The following PRSS53 variants were observed in gnomAD, a reference collection of about 807,000 sequenced individuals.
The protein encoded by PRSS53 is serine protease 53, also known as EDTP308.
Under a neutral mutation model 62.7 loss-of-function variants are expected in PRSS53, and 54 were observed. That is an observed-to-expected ratio of 0.86 (90% CI 0.69 to 1.08). PRSS53 has a LOEUF of 1.08. PRSS53 is among the 50% of genes least tolerant of loss of function. PRSS53 has a pLI of 0.00. For missense variants in PRSS53, 688 were observed against 728.3 expected (o/e 0.94, Z 0.64); for synonymous variants, 273 against 300.0 (o/e 0.91, Z 0.93).
exon 11 of PRSS53, chr16:31,083,472 G>A (rs1461974887): frequency 1.5e-6 from 2 of 1,317,446 alleles, no homozygotes; most frequent in East Asian, 6.6e-5. Flanking sequence ...TTTAAAAAAA[G>A]GAAAACTGCT....
At chr16:31,084,726 C>T in intron 8 of PRSS53, 23 bp from the exon 9 acceptor site, 1 of 1,601,750 alleles carries the variant, frequency 6.2e-7, no homozygotes, top group Non-Finnish European at 8.5e-7. Context: ...GGAAAGCTGG[C>T]TGCCCCGGCC....
At chr16:31,088,114 C>A in intron 1 of PRSS53, 1 of 1,368,384 alleles carries the variant, frequency 7.3e-7, no homozygotes, top group Non-Finnish European at 9.5e-7. Flanking sequence ...TCAGAACCCC[C>A]AACTCCTGCC....
At chr16:31,083,449 CAATT>C (rs1226649853) in exon 11 of PRSS53, 6 of 1,302,668 alleles carry the variant, frequency 4.6e-6, no homozygotes, top group African/African-American at 1.5e-5. Flanking sequence ...TATTTTGTAA[CAATT>C]TATTTAAGTT....
chr16:31,084,561 A>C, exon 9 of PRSS53: 3 of 1,603,664 alleles, frequency 1.9e-6, no homozygotes. Context: ...GGCTCACCTC[A>C]CAGCTGGGCA....
At chr16:31,086,728 G>A (rs754261424) in exon 4 of PRSS53, 57 of 1,591,708 alleles carry the variant, frequency 3.6e-5, no homozygotes, top group Admixed American at 7.0e-5. Context: ...TGTGTGGGTC[G>A]TGGGGTGGGC....
At chr16:31,088,488 A>G in intron 1 of PRSS53, 1 of 1,360,860 alleles carries the variant, frequency 7.3e-7, no homozygotes, top group South Asian at 1.7e-5. Context: ...GGAGGCAGGC[A>G]CAGGACACAC....
exon 6 of PRSS53, chr16:31,086,144 C>T (rs1283275389): frequency 6.2e-6 from 10 of 1,612,758 alleles, no homozygotes; most frequent in South Asian, 2.2e-5. Context: ...ACCCAGTGTC[C>T]GTCAGGCTCG....
Position 31,086,444 on chromosome 16 carries a change from T to TG in PRSS53, c.555dup (p.Thr186HisfsTer3). 6.2e-7 allele frequency: 1 copy of TG among 1,613,938 alleles called. No individual in the cohort carries two copies. On this transcript the variant is annotated frameshift_variant, in exon 5 of 11. Transcript: ENST00000280606. LOFTEE classifies it high-confidence loss of function. ...AGCTGGTTGTAGATACAGTTACATG[T>TG]GGGGCGACTGATGAGACGCAGGCGC...
chr16:31,085,068 G>T (rs201947413), intron 7 of PRSS53, 42 bp downstream of exon 7: 31 of 1,611,786 alleles, frequency 1.9e-5, no homozygotes, highest in Non-Finnish European at 2.6e-5. Context: ...CAGGGCTGCC[G>T]GCAGGGGCAG....
chr16:31,085,239 G>A lies in PRSS53; in HGVS notation c.905C>T (p.Ala302Val), dbSNP rs765518459. The change falls in exon 7 of 11, where the codon GCA (alanine) becomes GTA (valine). Residue 302 changes from alanine (A) to valine (V), a missense_variant. Ala to Val is a moderately conservative substitution (Grantham distance 64, BLOSUM62 0). Coordinates refer to ENST00000280606, the Ensembl canonical transcript of PRSS53. ...GGAGGGTGCTCCTGCCTGGGGACCTGCTGTCCTCAAGGATCCACAGGCTGA... is the reference window on the plus strand; with the variant it reads ...GGAGGGTGCTCCTGCCTGGGGACCTACTGTCCTCAAGGATCCACAGGCTGA... 45 of 1,589,770 alleles carry A rather than the reference G, an allele frequency of 2.8e-5. No homozygotes were observed. The highest frequency in any genetic ancestry group is 3.7e-5 in the Non-Finnish European group (43 of 1,169,234).
At chr16:31,084,885 C>A in exon 8 of PRSS53, 2 of 1,545,202 alleles carry the variant, frequency 1.3e-6, no homozygotes, top group Non-Finnish European at 1.7e-6. Context: ...CCCAGTGTCA[C>A]AGGCTGGGCC....
chr16:31,085,866 T>C (rs2057226816), intron 6 of PRSS53, 98 bp downstream of exon 6: 2 of 1,122,908 alleles, frequency 1.8e-6, no homozygotes, highest in African/African-American at 1.5e-5. Context: ...GCCCCCTAAT[T>C]AGGCTCGGCG....
intron 1 of PRSS53, chr16:31,088,550 T>C (rs2057258318): frequency 7.0e-7 from 1 of 1,430,654 alleles, no homozygotes; most frequent in Non-Finnish European, 9.2e-7. Context: ...CAACGCAAAC[T>C]GCAGCTGGCC....
chr16:31,087,547 A>C (rs2057246757), exon 3 of PRSS53: 3 of 1,612,874 alleles, frequency 1.9e-6, no homozygotes, highest in Non-Finnish European at 2.5e-6. Context: ...TTTTCAAAGC[A>C]GTGGGCAGCA....
intron 9 of PRSS53, 80 bp from the exon 10 acceptor site, chr16:31,084,415 C>A: frequency 6.6e-7 from 1 of 1,505,220 alleles, no homozygotes. Context: ...GAACCTCTGG[C>A]TGTTTGGGGG....
At chr16:31,084,896 A>T in exon 8 of PRSS53, 1 of 1,544,012 alleles carries the variant, frequency 6.5e-7, no homozygotes, top group African/African-American at 1.4e-5. Flanking sequence ...AGGCTGGGCC[A>T]GCAGCAGGAG....
rs1474772814 is a variant in PRSS53 at position 31,084,537 on chromosome 16, G to T, written c.1425+21C>A. Reference sequence around the variant, plus strand: ...GGATGCCAGGGGCCTGTTAGGTAAGGTGTGGGGGCCTGGGGCTCACCTCAC... The same window carrying T: ...GGATGCCAGGGGCCTGTTAGGTAAGTTGTGGGGGCCTGGGGCTCACCTCAC... On this transcript the variant is annotated intron_variant, in intron 9 of 10. Coordinates refer to ENST00000280606, the Ensembl canonical transcript of PRSS53. 6 of 1,595,608 alleles carry T rather than the reference G, an allele frequency of 3.8e-6. No homozygotes were observed. In the South Asian group the frequency reaches 6.8e-5, roughly 18 times the overall value.
chr16:31,087,292 C>T (rs1009903098), intron 3 of PRSS53: 10 of 572,678 alleles, frequency 1.7e-5, no homozygotes, highest in Admixed American at 1.6e-4. Flanking sequence ...CTACTGTGCC[C>T]GGCCTCAGTC....
chr16:31,083,466 A>G, exon 11 of PRSS53: 1 of 1,314,418 alleles, frequency 7.6e-7, no homozygotes, highest in Non-Finnish European at 9.8e-7. Flanking sequence ...TTTAAGTTTA[A>G]AAAAAGGAAA....
Sources: gnomAD v4.1 joint callset for allele counts on GRCh38, gnomAD v4.1.1 for gene constraint, MANE v1.5 for transcripts, NCBI Gene and HGNC (gene_info 2026-07-23, HGNC 2026-07-21) for gene names.